IWS1: variants seen among roughly 807,000 people sequenced by gnomAD.
IWS1 encodes the protein interacts with SUPT6H, CTD assembly factor 1.
Under a neutral mutation model 86.7 loss-of-function variants are expected in IWS1, and 27 were observed. The observed-to-expected ratio is 0.31, with a 90% CI of 0.23 to 0.43. The LOEUF (loss-of-function observed/expected upper bound fraction) is 0.43, where lower values mean the gene tolerates loss of function less well. IWS1 is among the 20% of genes least tolerant of loss of function. IWS1 has a pLI of 1.00. For missense variants in IWS1, 827 were observed against 1,000.8 expected, an observed-to-expected ratio of 0.83 and a Z score of 2.34; for synonymous variants, 313 against 335.1, an observed-to-expected ratio of 0.93 and a Z score of 0.72.
At chr2:127,511,893 C>T (rs1691472694) in intron 2 of IWS1, among the ~76,000 whole-genome samples, 1 of 152,176 alleles carries the variant, frequency 6.6e-6, no homozygotes, top group African/African-American at 2.4e-5. Flanking sequence ...ATGTACTCCC[C>T]CATAAGGATG....
At chr2:127,487,546 C>G (rs1266602736) in intron 12 of IWS1, among the ~76,000 whole-genome samples, 1 of 152,060 alleles carries the variant, frequency 6.6e-6, no homozygotes. Flanking sequence ...TTCTCTTGTA[C>G]AGTTTACCCC....
chr2:127,521,318 G>A (rs963908225), intron 2 of IWS1, among the ~76,000 whole-genome samples: 10 of 152,052 alleles, frequency 6.6e-5, no homozygotes, highest in African/African-American at 1.9e-4. Context: ...ATATATAGAC[G>A]TCATATACCT....
At chr2:127,504,518 C>T (rs1691007244) in intron 3 of IWS1, among the ~76,000 whole-genome samples, 166 bp downstream of exon 3, 1 of 152,030 alleles carries the variant, frequency 6.6e-6, no homozygotes, top group African/African-American at 2.4e-5. Context: ...TACTATTAAG[C>T]TTAGCTAATG....
chr2:127,483,168 A>AT (rs1689722561), intron 13 of IWS1, among the ~76,000 whole-genome samples: 2 of 152,214 alleles, frequency 1.3e-5, no homozygotes, highest in African/African-American at 4.8e-5. Flanking sequence ...TGCTTTCTGT[A>AT]TTTTTAAAAG....
chr2:127,515,446 T>C lies in IWS1; in HGVS notation c.150+8230A>G, dbSNP rs114165782. Among the ~76,000 whole-genome samples the C allele has an allele frequency of 4.0e-3, 603 of 152,244 alleles. 3 individuals are homozygous for C. The highest frequency in any genetic ancestry group is 0.014 in the African/African-American group (568 of 41,538). The stretch of plus-strand genomic sequence containing the variant: ...CCGGAGGTCCTCACCCATACACACA[T>C]AGAGGAAACTCCATGAGATGAAAGA... On this transcript the variant is annotated intron_variant, in intron 2 of 13. Coordinates refer to ENST00000295321, the MANE Select transcript of IWS1 (RefSeq NM_017969.3).
At chr2:127,483,169 T>C (rs1466284898) in intron 13 of IWS1, among the ~76,000 whole-genome samples, 1 of 152,250 alleles carries the variant, frequency 6.6e-6, no homozygotes, top group African/African-American at 2.4e-5. Flanking sequence ...GCTTTCTGTA[T>C]TTTTAAAAGT....
chr2:127,513,761 A>G (rs1691604859), intron 2 of IWS1, among the ~76,000 whole-genome samples: 1 of 152,238 alleles, frequency 6.6e-6, no homozygotes, highest in African/African-American at 2.4e-5. Context: ...CACTGCAGAA[A>G]TAAGACGAAT....
chr2:127,489,258 G>A lies in IWS1; in HGVS notation c.2160-23C>T, dbSNP rs775026697. The A allele has an allele frequency of 6.3e-7, 1 of 1,586,072 alleles. No individual in the cohort carries two copies. Among genetic ancestry groups the A allele is most frequent in the Non-Finnish European group, 8.6e-7 (1 of 1,157,558 alleles). On this transcript the variant is annotated intron_variant, in intron 11 of 13. Coordinates refer to ENST00000295321, the MANE Select transcript of IWS1 (RefSeq NM_017969.3). This position sits in a 1 kb window ranked among gnomAD's most constrained non-coding sequence, Gnocchi z 4.8. ...GTGCTGAAAAAAAAGTAAACAAGGAGATACCAGGAATATTAGAACCTAATA... is the reference window on the plus strand; with the variant it reads ...GTGCTGAAAAAAAAGTAAACAAGGAAATACCAGGAATATTAGAACCTAATA...
chr2:127,486,704 C>T, intron 12 of IWS1, 40 bp from the exon 13 acceptor site: 1 of 1,494,080 alleles, frequency 6.7e-7, no homozygotes, highest in Non-Finnish European at 9.3e-7. Context: ...CTTATGTGGC[C>T]AGCCACAGTG....
intron 5 of IWS1, among the ~76,000 whole-genome samples, chr2:127,500,235 T>C (rs1001856527): frequency 9.2e-5 from 14 of 152,300 alleles, no homozygotes; most frequent in Admixed American, 2.0e-4. Flanking sequence ...AGTAACAAAA[T>C]GAAAGGTATT....
At chr2:127,526,593 C>G, upstream of IWS1, 1 of 1,373,340 alleles carries the variant, frequency 7.3e-7, no homozygotes, top group Non-Finnish European at 9.7e-7. Context: ...GGAAAGGAGA[C>G]TCCTGGGAAA....
At chr2:127,509,723 A>AG in intron 2 of IWS1, among the ~76,000 whole-genome samples, 1 of 150,506 alleles carries the variant, frequency 6.6e-6, no homozygotes, top group Non-Finnish European at 1.5e-5. Flanking sequence ...AAAAAAAAAA[A>AG]AAAAAAAAGC....
rs113667162 is a variant in IWS1 at position 127,519,473 on chromosome 2, TTG to T, written c.150+4201_150+4202del. On this transcript the variant is annotated intron_variant, in intron 2 of 13. Transcript: ENST00000295321. Reference sequence around the variant, plus strand: ...CCTATACTGACCACTATCTTAAAGATTGTGTGTGTGTGTGTGTGCGTGTGTGT... The same window carrying T: ...CCTATACTGACCACTATCTTAAAGATTGTGTGTGTGTGTGTGCGTGTGTGT... 7.9e-3 allele frequency among the ~76,000 whole-genome samples: 1,178 copies of T among 149,898 alleles called. 16 individuals are homozygous for T. The highest frequency in any genetic ancestry group is 0.027 in the African/African-American group (1,088 of 40,862).
At chr2:127,526,665 C>A, upstream of IWS1, 1 of 1,318,570 alleles carries the variant, frequency 7.6e-7, no homozygotes, top group Non-Finnish European at 1.0e-6. Context: ...GTCTGACCCC[C>A]GTGGTAATAA....
chr2:127,525,154 TCTCA>T (rs2104753560), intron 1 of IWS1, among the ~76,000 whole-genome samples: 1 of 148,726 alleles, frequency 6.7e-6, no homozygotes, highest in South Asian at 2.1e-4. Context: ...GTGGTGTTGG[TCTCA>T]CTATGTTGCC....
chr2:127,483,606 G>C (rs1291124963), intron 13 of IWS1, among the ~76,000 whole-genome samples: 1 of 3,348 alleles, frequency 3.0e-4, no homozygotes, highest in Non-Finnish European at 2.7e-3. Flanking sequence ...GGGTTGGGCT[G>C]TGTGTGTGTG....
intron 13 of IWS1, chr2:127,486,270 C>G (rs1689925483): frequency 4.0e-6 from 1 of 248,274 alleles, no homozygotes; most frequent in Admixed American, 4.7e-5. Context: ...GTTTCAATTT[C>G]AAGCCTTGCT....
chr2:127,489,133 A>C lies in IWS1; in HGVS notation c.2216+46T>G, dbSNP rs373590583. On this transcript the variant is annotated intron_variant, in intron 12 of 13. Transcript: ENST00000295321. This position sits in a 1 kb window ranked among gnomAD's most constrained non-coding sequence, Gnocchi z 4.8. ...TACTTTTCTTAAAGCAGCAAACGGA[A>C]ATTCTCTATATAGTCTAGGAAGAAA... 1 of 1,368,272 alleles carries C rather than the reference A, an allele frequency of 7.3e-7. No individual in the cohort carries two copies. The highest frequency in any genetic ancestry group is 1.0e-6 in the Non-Finnish European group (1 of 974,844). The allele number at this position is 1,368,272 out of a possible 1,614,324, so 84.8% of individuals were successfully genotyped here.
Position 127,505,388 on chromosome 2 carries a change from G to C in IWS1, c.515C>G (p.Ser172Cys). The change falls in exon 3 of 14, where the codon TCT becomes TGT. Residue 172 changes from serine (S) to cysteine (C), a missense_variant. By Grantham distance (112) the Ser-to-Cys change is moderately radical. Transcript: ENST00000295321. This position sits in a 1 kb window ranked among gnomAD's most constrained non-coding sequence, Gnocchi z 5.0. ...AGGTTTTAGAGCATCTTCTGTTTCA[G>C]AGTCACTAGCAGGACTCTTCTGGAG... ...EELQKSPASD[S>C]ETEDALKPQI... 6.2e-7 allele frequency: 1 copy of C among 1,614,124 alleles called. No homozygotes were observed.
Sources: allele counts gnomAD v4.1 joint callset (sites outside exome capture counted in the v4.1 genomes callset), GRCh38; gene constraint gnomAD v4.1.1; non-coding constraint Gnocchi (gnomAD v3.1); transcripts MANE v1.5; gene names NCBI Gene and HGNC (gene_info 2026-07-23, HGNC 2026-07-21).